The following CARMIL3 variants were observed in gnomAD, a reference collection of about 807,000 sequenced individuals.
The protein encoded by CARMIL3 is capping protein, Arp2/3 and myosin-I linker protein 3.
In CARMIL3, 88 loss-of-function variants were observed where a neutral mutation model predicts 180.8. The ratio of observed to expected loss-of-function variants is 0.49; its 90% CI spans 0.41 to 0.58. The LOEUF is 0.58. Ranked by LOEUF, CARMIL3 falls within the 20% of genes least tolerant of loss-of-function variation. CARMIL3 has a pLI of 0.00. For synonymous variants in CARMIL3, 696 were observed against 714.5 expected, an observed-to-expected ratio of 0.97 and a Z score of 0.41; for missense variants, 1,548 against 1,787.0, an observed-to-expected ratio of 0.87 and a Z score of 2.41.
In CARMIL3 at chr14:24,061,732, T is replaced by C. The variant is rs1477353990; in HGVS notation, c.2480+60T>C. On this transcript the variant is annotated intron_variant, in intron 27 of 39. Transcript: ENST00000342740. The surrounding 1 kb of genome is among the most constrained non-coding windows in gnomAD (Gnocchi z 4.1). ...GATTTGGCCCAGATCACTTAGGGAC[T>C]TAGGACTGGAGAGCTATCAGCAATG... 5 of 1,543,418 alleles carry C rather than the reference T, an allele frequency of 3.2e-6. No individual in the cohort carries two copies. Among genetic ancestry groups the C allele is most frequent in the Non-Finnish European group, 4.4e-6 (5 of 1,131,674 alleles).
At chr14:24,056,228 G>C (rs2035670264) in intron 10 of CARMIL3, 71 bp from the exon 11 acceptor site, 4 of 1,283,684 alleles carry the variant, frequency 3.1e-6, no homozygotes, top group Non-Finnish European at 4.4e-6. Context: ...TCAGGTAGAG[G>C]AGGAGGGGAA....
chr14:24,052,038 G>C lies in CARMIL3; in HGVS notation c.-116G>C, dbSNP rs982730651. On this transcript the variant is annotated 5_prime_UTR_variant, in exon 1 of 40. Coordinates refer to ENST00000342740, the MANE Select transcript of CARMIL3 (RefSeq NM_138360.4). Reference sequence around the variant, plus strand: ...AGCCGCCCCTGACCGGAGCGGGCTCGGCCGCTGCTGCAGCGCTCAGCGCCC... The same window carrying C: ...AGCCGCCCCTGACCGGAGCGGGCTCCGCCGCTGCTGCAGCGCTCAGCGCCC... The C allele has an allele frequency of 1.6e-5, 17 of 1,052,962 alleles. No individual in the cohort carries two copies. The highest frequency in any genetic ancestry group is 3.4e-5 in the African/African-American group (2 of 59,328). 65.2% of individuals were successfully genotyped at this position (1,052,962 alleles called of 1,614,324 possible).
chr14:24,054,432 C>T lies in CARMIL3; in HGVS notation c.283C>T (p.Arg95Ter), dbSNP rs758789412. Residue 95 changes from arginine (R) to a stop codon, truncating the protein, a stop_gained, in exon 5 of 40, where the codon CGA (arginine) becomes TGA (stop). Transcript: ENST00000342740. LOFTEE classifies it high-confidence loss of function. This position sits in a 1 kb window ranked among gnomAD's most constrained non-coding sequence, Gnocchi z 5.1. ...GACGGAGCGTGGCATGGTGAGCATG[C>T]GACTGCCATCAGCTGAAAGTGTGGA... ...VETERGMVSM[R>*]LPSAESVDQV... 9 of 1,614,116 alleles carry T rather than the reference C, an allele frequency of 5.6e-6. No individual in the cohort carries two copies. Among genetic ancestry groups the T allele is most frequent in the Non-Finnish European group, 7.6e-6 (9 of 1,180,018 alleles).
At chr14:24,055,870 C>A (rs2035667235) in intron 10 of CARMIL3, 81 bp downstream of exon 10, 10 of 1,278,892 alleles carry the variant, frequency 7.8e-6, no homozygotes, top group Non-Finnish European at 1.0e-5. Flanking sequence ...ATGATGCAGG[C>A]CTCTGGACTA....
rs764186881 is a variant in CARMIL3 at position 24,069,445 on chromosome 14, C to G, written c.*41C>G. ...CCTCCTCAGCCCTCGACATGTGCCT[C>G]GCAAGGACTCAGACCCCTATCCACC... On this transcript the variant is annotated 3_prime_UTR_variant, in exon 40 of 40. Coordinates refer to ENST00000342740, the MANE Select transcript of CARMIL3 (RefSeq NM_138360.4). 3.7e-6 allele frequency: 6 copies of G among 1,613,840 alleles called. No individual in the cohort carries two copies. Among genetic ancestry groups the G allele is most frequent in the South Asian group, 1.1e-5 (1 of 91,070 alleles).
Position 24,061,432 on chromosome 14 carries a change from C to G in CARMIL3, c.2305-65C>G. 1 of 1,515,248 alleles carries G rather than the reference C, an allele frequency of 6.6e-7. No homozygotes were observed. The highest frequency in any genetic ancestry group is 9.0e-7 in the Non-Finnish European group (1 of 1,115,220). 93.9% of individuals were successfully genotyped at this position (1,515,248 alleles called of 1,614,324 possible). A position where few individuals can be genotyped will look rare whatever the true frequency, so the allele number is the denominator to read the frequency against. On this transcript the variant is annotated intron_variant, in intron 26 of 39. Coordinates refer to ENST00000342740, the MANE Select transcript of CARMIL3 (RefSeq NM_138360.4). The surrounding 1 kb of genome is among the most constrained non-coding windows in gnomAD (Gnocchi z 4.1). ...GGGGCTGGAATAGATAAAGTCTCTT[C>G]TGCTGTGGTGCCAGCCCTGATCCTG... is the stretch of plus-strand genomic sequence containing the variant.
intron 36 of CARMIL3, among the ~76,000 whole-genome samples, chr14:24,067,386 T>C (rs952597825): frequency 1.4e-4 from 21 of 152,204 alleles, no homozygotes; most frequent in African/African-American, 4.8e-4. Flanking sequence ...TCCAGCAATA[T>C]TGACATAGAC....
At chr14:24,053,612 C>T (rs9972282) in intron 1 of CARMIL3, 97 bp from the exon 2 acceptor site, 427,024 of 827,954 alleles carry the variant, frequency 0.52, 115,084 homozygotes, top group Middle Eastern at 0.59. Flanking sequence ...CTCTCTTATC[C>T]CATTTGACCC....
chr14:24,068,269 C>T (rs538045760), intron 36 of CARMIL3, among the ~76,000 whole-genome samples: 72 of 152,124 alleles, frequency 4.7e-4, no homozygotes, highest in Admixed American at 4.6e-4. Context: ...TGGTGGCACG[C>T]ACCTGTAGTC....
intron 33 of CARMIL3, 79 bp from the exon 34 acceptor site, chr14:24,065,543 G>C: frequency 6.5e-7 from 1 of 1,526,720 alleles, no homozygotes; most frequent in Non-Finnish European, 8.8e-7. Flanking sequence ...TGAGGCAGGG[G>C]TCCTCCTGAC....
Position 24,061,616 on chromosome 14 carries a change from C to G in CARMIL3, c.2424C>G (p.Asn808Lys). 6.2e-7 allele frequency: 1 copy of G among 1,613,982 alleles called. No individual in the cohort carries two copies. The highest frequency in any genetic ancestry group is 8.5e-7 in the Non-Finnish European group (1 of 1,180,006). Residue 808 changes from asparagine (N) to lysine (K), a missense_variant, in exon 27 of 40, where the codon AAC becomes AAG. Physicochemically the swap from Asn to Lys is moderately conservative, Grantham distance 94. Coordinates refer to ENST00000342740, the MANE Select transcript of CARMIL3 (RefSeq NM_138360.4). This position sits in a 1 kb window ranked among gnomAD's most constrained non-coding sequence, Gnocchi z 4.1. Reference sequence around the variant, plus strand: ...CGGAGCGTGTCACTGTGCCCCGGAACTTCATCCGAGGGGCACTGCTGGAGC... The same window carrying G: ...CGGAGCGTGTCACTGTGCCCCGGAAGTTCATCCGAGGGGCACTGCTGGAGC... ...NVAERVTVPRNFIRGALLEQA... is the reference protein window; with the variant it reads ...NVAERVTVPRKFIRGALLEQA...
Position 24,063,342 on chromosome 14 carries a change from A to G in CARMIL3, c.2788A>G (p.Met930Val). ...SAFISGSPQD[M>V]ESQLGNLGIP... Reference sequence around the variant, plus strand: ...CTTTGCAGGCGGGAGCCCTCAGGACATGGAAAGCCAACTGGGGAATCTGGG... The same window carrying G: ...CTTTGCAGGCGGGAGCCCTCAGGACGTGGAAAGCCAACTGGGGAATCTGGG... The change falls in exon 31 of 40, where the codon ATG becomes GTG. Residue 930 changes from methionine to valine, a missense_variant. By Grantham distance (21) the Met-to-Val change is conservative. Around this residue, in one of 4 missense-constraint regions of CARMIL3, gnomAD observed 668 missense variants for 687.8 expected, o/e 0.97. Transcript: ENST00000342740. 2 of 1,603,314 alleles carry G rather than the reference A, an allele frequency of 1.2e-6. No individual in the cohort carries two copies. Among genetic ancestry groups the G allele is most frequent in the Middle Eastern group, 1.7e-4 (1 of 6,008 alleles).
chr14:24,065,700 C>T lies in CARMIL3; in HGVS notation c.3475C>T (p.Leu1159Phe). The change falls in exon 34 of 40, where the codon CTT becomes TTT. Residue 1159 changes from leucine (L) to phenylalanine (F), a missense_variant. By Grantham distance (22) the Leu-to-Phe change is conservative. Transcript: ENST00000342740. ...AQQPRVHGVA[L>F]PGLERAKGWS... Reference sequence around the variant, plus strand: ...GCAGCCAAGGGTTCACGGTGTTGCCCTTCCCGGGTTGGAAAGAGCCAAGGG... The same window carrying T: ...GCAGCCAAGGGTTCACGGTGTTGCCTTTCCCGGGTTGGAAAGAGCCAAGGG... 1.2e-6 allele frequency: 2 copies of T among 1,614,100 alleles called. No individual in the cohort carries two copies. The highest frequency in any genetic ancestry group is 1.7e-6 in the Non-Finnish European group (2 of 1,179,966).
rs181429751 is a variant in CARMIL3, at chr14:24,060,486, G to A, written c.2062-142G>A. On this transcript the variant is annotated intron_variant, in intron 24 of 39. Coordinates refer to ENST00000342740, the MANE Select transcript of CARMIL3 (RefSeq NM_138360.4). ...GGAGCTCAGCTGGGCATTCAAGAAG[G>A]CTGTAGCAATGGGGACCAGGCCAGC... is the stretch of plus-strand genomic sequence containing the variant. 2.2e-5 allele frequency: 29 copies of A among 1,308,700 alleles called. 1 individual carries two copies. In the South Asian group the frequency reaches 3.8e-4, roughly 17 times the overall value. 81.1% of individuals were successfully genotyped at this position (1,308,700 alleles called of 1,614,324 possible).
At chr14:24,067,669 C>A (rs1016368108) in intron 36 of CARMIL3, among the ~76,000 whole-genome samples, 2 of 152,270 alleles carry the variant, frequency 1.3e-5, no homozygotes, top group African/African-American at 2.4e-5. Context: ...TTTTCCATCC[C>A]ATACACAGGC....
rs1566540532 is a variant in CARMIL3, at chr14:24,059,655, T to A, written c.1800-9T>A. On this transcript the variant is annotated splice_polypyrimidine_tract_variant and intron_variant, in intron 21 of 39. Transcript: ENST00000342740. This position sits in a 1 kb window ranked among gnomAD's most constrained non-coding sequence, Gnocchi z 6.3. ...AGAGGTGCCAAACTGGTGCTTACCC[T>A]CCCCCCAGAACTATCCTATGGGATC... is the stretch of plus-strand genomic sequence containing the variant. 6.2e-7 allele frequency: 1 copy of A among 1,613,038 alleles called. No individual in the cohort carries two copies. The highest frequency in any genetic ancestry group is 8.5e-7 in the Non-Finnish European group (1 of 1,179,634).
At chr14:24,068,100 T>G (rs2035807775) in intron 36 of CARMIL3, among the ~76,000 whole-genome samples, 1 of 152,178 alleles carries the variant, frequency 6.6e-6, no homozygotes, top group Non-Finnish European at 1.5e-5. Context: ...AGCGTGGATG[T>G]AGAAAGGCAT....
rs1381882415 is a variant in CARMIL3, at chr14:24,069,611, T to C, written c.*207T>C. On this transcript the variant is annotated 3_prime_UTR_variant, in exon 40 of 40. Transcript: ENST00000342740. ...GGCTGTCAGTGCCTGCCTCGATACC[T>C]CTCTCTGCAGAGAGCTTCTGGGTGG... The C allele has an allele frequency of 1.7e-6, 1 of 603,232 alleles. No individual in the cohort carries two copies. The highest frequency in any genetic ancestry group is 1.9e-5 in the African/African-American group (1 of 53,294). 37.4% of individuals were successfully genotyped at this position (603,232 alleles called of 1,614,324 possible).
intron 2 of CARMIL3, 63 bp downstream of exon 2, chr14:24,053,866 G>T: frequency 6.9e-7 from 1 of 1,444,924 alleles, no homozygotes; most frequent in South Asian, 1.3e-5. Flanking sequence ...GCCAGTAGAG[G>T]GCAGGGAGCC....
Sources: gnomAD v4.1 joint callset for allele counts (sites outside exome capture counted in the v4.1 genomes callset) on GRCh38, gnomAD v4.1.1 for gene constraint, gnomAD v4.1.1 regional missense constraint, Gnocchi (gnomAD v3.1) non-coding constraint, MANE v1.5 for transcripts, NCBI Gene and HGNC (gene_info 2026-07-23, HGNC 2026-07-21) for gene names.